The following DSCAM variants were observed in gnomAD, a reference collection of about 807,000 sequenced individuals.
DSCAM encodes the protein DS cell adhesion molecule.
DSCAM carries 47 observed loss-of-function variants against 217.7 expected under a neutral mutation model. The ratio of observed to expected loss-of-function variants is 0.22; its 90% CI spans 0.17 to 0.28. DSCAM has a LOEUF of 0.28. DSCAM is among the 10% of genes least tolerant of loss of function. The probability of loss-of-function intolerance (pLI) is 1.00; values close to 1 mark genes in which losing one functional copy is unlikely to be tolerated. For synonymous variants in DSCAM, 1,056 were observed against 1,015.3 expected (o/e 1.04, Z -0.76); for missense variants, 2,080 against 2,618.3 (o/e 0.79, Z 4.49).
chr21:40,649,429 C>T (rs1219372225), intron 3 of DSCAM, among the ~76,000 whole-genome samples: 3 of 152,184 alleles, frequency 2.0e-5, no homozygotes, highest in Non-Finnish European at 2.9e-5. Flanking sequence ...TTAGATAATG[C>T]GTGGTCTCAA....
rs541505705 is a variant in DSCAM, at chr21:40,016,525, A to G, written c.5687-3139T>C. Among the ~76,000 whole-genome samples, 1 of 152,324 alleles carries G rather than the reference A, an allele frequency of 6.6e-6. No homozygotes were observed. Among genetic ancestry groups the G allele is most frequent in the South Asian group, 2.1e-4 (1 of 4,824 alleles). On this transcript the variant is annotated intron_variant, in intron 32 of 32. Coordinates refer to ENST00000400454, the MANE Select transcript of DSCAM (RefSeq NM_001389.5). This position sits in a 1 kb window ranked among gnomAD's most constrained non-coding sequence, Gnocchi z 4.3. ...CTCACTGCTCGTTTTCTGAGTCTAA[A>G]GTAACTGAACATTCTTGTTTCTTTT...
chr21:40,250,094 A>G (rs2073281561), intron 11 of DSCAM, among the ~76,000 whole-genome samples: 1 of 152,192 alleles, frequency 6.6e-6, no homozygotes, highest in Non-Finnish European at 1.5e-5. Flanking sequence ...TGACCTTGGA[A>G]TTTAAACATG....
chr21:40,638,280 C>T (rs1418762430), intron 3 of DSCAM, among the ~76,000 whole-genome samples: 1 of 152,128 alleles, frequency 6.6e-6, no homozygotes, highest in East Asian at 1.9e-4. Flanking sequence ...TGGAATTTCC[C>T]TGGTAACGAG....
Position 40,144,608 on chromosome 21 carries a change from C to T in DSCAM, c.3142G>A (p.Val1048Ile), listed in dbSNP as rs777109187. The T allele has an allele frequency of 6.2e-7, 1 of 1,614,048 alleles. No homozygotes were observed. The highest frequency in any genetic ancestry group is 1.3e-5 in the African/African-American group (1 of 74,910). The change falls in exon 17 of 33, where the codon GTT becomes ATT. Residue 1048 changes from valine to isoleucine, a missense_variant. Coordinates refer to ENST00000400454, the MANE Select transcript of DSCAM (RefSeq NM_001389.5). This position sits in a 1 kb window ranked among gnomAD's most constrained non-coding sequence, Gnocchi z 4.8. The stretch of plus-strand genomic sequence containing the variant: ...TTATTCAGGTTGTCCAGGGTGTAAA[C>T]CTCACTGTCCCCGCTGGTGTCGACA... ...ISVDTSGDSE[V>I]YTLDNLNKFT...
At position 40,681,107 on chromosome 21, in the gene DSCAM, A is replaced by G. The variant is rs149984762; in HGVS notation, c.508+11703T>C. Among the ~76,000 whole-genome samples the G allele has an allele frequency of 1.4e-4, 21 of 152,346 alleles. No homozygotes were observed. In the East Asian group the frequency reaches 3.7e-3, roughly 27 times the overall value. On this transcript the variant is annotated intron_variant, in intron 3 of 32. Transcript: ENST00000400454. The stretch of plus-strand genomic sequence containing the variant: ...TTCATGCACATGTTTTCAGACTACT[A>G]ATCACTTGGGAAACTGATGAGTCGT...
At chr21:40,489,761 C>G (rs565348715) in intron 3 of DSCAM, among the ~76,000 whole-genome samples, 2 of 98,258 alleles carry the variant, frequency 2.0e-5, no homozygotes, top group African/African-American at 8.3e-5. Context: ...GGCGACAGGG[C>G]GAGACTCCGT....
chr21:40,420,578 G>T (rs564451905), intron 3 of DSCAM, among the ~76,000 whole-genome samples: 1 of 152,234 alleles, frequency 6.6e-6, no homozygotes, highest in African/African-American at 2.4e-5. Flanking sequence ...CCCAAAATTT[G>T]TATGTTCATG....
intron 1 of DSCAM, among the ~76,000 whole-genome samples, chr21:40,785,468 T>A (rs2091584262): frequency 2.6e-5 from 4 of 152,232 alleles, no homozygotes; most frequent in Admixed American, 2.6e-4. Flanking sequence ...CACTGGCCAA[T>A]ACACTTATCA....
chr21:40,152,500 C>G (rs540393109), intron 16 of DSCAM, among the ~76,000 whole-genome samples: 8 of 152,210 alleles, frequency 5.3e-5, no homozygotes, highest in Non-Finnish European at 7.3e-5. Context: ...GCTCTCTCCC[C>G]CTTCCTAGCC....
chr21:40,775,676 C>A (rs772197084), intron 1 of DSCAM, among the ~76,000 whole-genome samples: 1 of 152,160 alleles, frequency 6.6e-6, no homozygotes, highest in African/African-American at 2.4e-5. Flanking sequence ...GAACTTACAC[C>A]AGCAGCTCCC....
chr21:40,486,676 T>C (rs1318585034), intron 3 of DSCAM, among the ~76,000 whole-genome samples: 1 of 152,184 alleles, frequency 6.6e-6, no homozygotes, highest in Non-Finnish European at 1.5e-5. Context: ...TACAGCACTG[T>C]TTAAGCATTA....
chr21:40,171,582 A>AG (rs1352794446), intron 15 of DSCAM, among the ~76,000 whole-genome samples: 2 of 152,158 alleles, frequency 1.3e-5, no homozygotes, highest in African/African-American at 2.4e-5. Context: ...AAAAAAAAAA[A>AG]AAAGTGATGA....
At chr21:40,584,272 C>T (rs915443005) in intron 3 of DSCAM, among the ~76,000 whole-genome samples, 37 of 152,092 alleles carry the variant, frequency 2.4e-4, no homozygotes, top group Non-Finnish European at 5.1e-4. Flanking sequence ...CCCTAGTTAC[C>T]TCATGGTAGA....
chr21:40,558,855 G>T (rs1353726798), intron 3 of DSCAM, among the ~76,000 whole-genome samples: 1 of 152,102 alleles, frequency 6.6e-6, no homozygotes, highest in African/African-American at 2.4e-5. Flanking sequence ...GGGCACAGAG[G>T]AATGTCCTTC....
intron 1 of DSCAM, among the ~76,000 whole-genome samples, chr21:40,726,772 G>A (rs567391409): frequency 4.6e-5 from 7 of 152,264 alleles, no homozygotes; most frequent in African/African-American, 1.7e-4. Context: ...CAGTATTGAG[G>A]GGTAGAGCCT....
intron 18 of DSCAM, among the ~76,000 whole-genome samples, chr21:40,137,594 T>TACAC (rs3988428): frequency 1.0e-3 from 137 of 134,992 alleles, no homozygotes; most frequent in Admixed American, 1.4e-3. Context: ...GGCTGTTTAA[T>TACAC]ACACACACAC....
chr21:40,739,670 T>C (rs2091102164), intron 1 of DSCAM, among the ~76,000 whole-genome samples: 1 of 152,184 alleles, frequency 6.6e-6, no homozygotes, highest in Non-Finnish European at 1.5e-5. Context: ...CCCGAGGTAC[T>C]GGGGGTTAGG....
intron 30 of DSCAM, among the ~76,000 whole-genome samples, chr21:40,045,177 T>C (rs1048150565): frequency 8.5e-5 from 13 of 152,238 alleles, no homozygotes; most frequent in Admixed American, 3.9e-4. Flanking sequence ...AAAACAGCTC[T>C]AGGAAATTAA....
chr21:40,110,213 C>G (rs1041683993), intron 20 of DSCAM, among the ~76,000 whole-genome samples: 1 of 152,168 alleles, frequency 6.6e-6, no homozygotes, highest in African/African-American at 2.4e-5. Context: ...TCCTCTGAGA[C>G]AAAATTTCCA....
Sources: gnomAD v4.1 joint callset for allele counts (sites outside exome capture counted in the v4.1 genomes callset) on GRCh38, gnomAD v4.1.1 for gene constraint, Gnocchi (gnomAD v3.1) non-coding constraint, MANE v1.5 for transcripts, NCBI Gene and HGNC (gene_info 2026-07-23, HGNC 2026-07-21) for gene names.